The following PRKCE variants were observed in gnomAD, a reference collection of about 807,000 sequenced individuals.
PRKCE encodes protein kinase C epsilon type.
Under a neutral mutation model 85.4 loss-of-function variants are expected in PRKCE, and 16 were observed. The ratio of observed to expected loss-of-function variants is 0.19; its 90% CI spans 0.13 to 0.28. The LOEUF is 0.28. PRKCE is among the 10% of genes least tolerant of loss of function. The pLI, the probability that PRKCE is intolerant of heterozygous loss-of-function variation, is 1.00. For synonymous variants in PRKCE, 388 were observed against 371.5 expected (o/e 1.04, Z -0.51); for missense variants, 573 against 975.2 (o/e 0.59, Z 5.49).
intron 11 of PRKCE, among the ~76,000 whole-genome samples, chr2:46,134,015 A>G (rs1674716280): frequency 6.6e-6 from 1 of 152,188 alleles, no homozygotes; most frequent in Admixed American, 6.5e-5. Context: ...AATAGGGAGA[A>G]TGGGTTGGAG....
At chr2:45,839,928 G>A (rs1010475782) in intron 1 of PRKCE, among the ~76,000 whole-genome samples, 3 of 152,202 alleles carry the variant, frequency 2.0e-5, no homozygotes, top group African/African-American at 7.2e-5. Flanking sequence ...TCACCAGCAC[G>A]GAGGCTGCAG....
Position 45,969,935 on chromosome 2 carries a change from T to TCAGA in PRKCE, c.413-6492_413-6489dup, listed in dbSNP as rs1407855229. ...GTTGCTGTCGTTGTAATGTGATTCA[T>TCAGA]CAGACCATTGGCCTAATAGTAGACA... On this transcript the variant is annotated intron_variant, in intron 2 of 14. Transcript: ENST00000306156. Among the ~76,000 whole-genome samples the TCAGA allele has an allele frequency of 3.9e-5, 6 of 152,268 alleles. No homozygotes were observed. In the East Asian group the frequency reaches 1.2e-3, roughly 29 times the overall value.
rs1332884223 is a variant in PRKCE at position 45,868,231 on chromosome 2, T to C, written c.412+25168T>C. ...TAACGGAGCTTTTTTTTTTTTTTTT[T>C]TTTTTGTTCTCCAGGTGATTCTACA... is the stretch of plus-strand genomic sequence containing the variant. On this transcript the variant is annotated intron_variant, in intron 2 of 14. Transcript: ENST00000306156. Among the ~76,000 whole-genome samples, 3 of 139,388 alleles carry C rather than the reference T, an allele frequency of 2.2e-5. No individual in the cohort carries two copies. In the Admixed American group the frequency reaches 2.2e-4, roughly 10 times the overall value. 91.4% of individuals were successfully genotyped at this position (139,388 alleles called of 152,430 possible). A position where few individuals can be genotyped will look rare whatever the true frequency, so the allele number is the denominator to read the frequency against.
intron 11 of PRKCE, among the ~76,000 whole-genome samples, chr2:46,099,761 T>A (rs1224020428): frequency 6.6e-6 from 1 of 152,144 alleles, no homozygotes; most frequent in East Asian, 1.9e-4. Context: ...CTATTTACAT[T>A]TATCGAGAAA....
intron 1 of PRKCE, among the ~76,000 whole-genome samples, chr2:45,763,282 C>T (rs1684662589): frequency 6.6e-6 from 1 of 152,122 alleles, no homozygotes; most frequent in African/African-American, 2.4e-5. Flanking sequence ...GGCCAGTCTA[C>T]ATCTTGGGTG....
chr2:45,818,219 T>G (rs1689241301), intron 1 of PRKCE, among the ~76,000 whole-genome samples: 1 of 152,210 alleles, frequency 6.6e-6, no homozygotes, highest in Non-Finnish European at 1.5e-5. Flanking sequence ...CAAGACATGT[T>G]TTGGTACATC....
At chr2:45,806,378 G>C (rs1488104046) in intron 1 of PRKCE, among the ~76,000 whole-genome samples, 1 of 152,152 alleles carries the variant, frequency 6.6e-6, no homozygotes, top group African/African-American at 2.4e-5. Flanking sequence ...TCTTTCACTT[G>C]ATTCATTTAT....
In PRKCE at chr2:45,744,413, T is replaced by TTTTC. The variant is rs1164620024; in HGVS notation, c.348+92037_348+92040dup. ...GCCTGGTCTTTCTCTCTTTCTTTTCTTTTCTTTCTTTCTTTCTTTCTTTCT... is the reference window on the plus strand; with the variant it reads ...GCCTGGTCTTTCTCTCTTTCTTTTCTTTTCTTTCTTTCTTTCTTTCTTTCTTTCT... On this transcript the variant is annotated intron_variant, in intron 1 of 14. Coordinates refer to ENST00000306156, the MANE Select transcript of PRKCE (RefSeq NM_005400.3). Among the ~76,000 whole-genome samples the TTTTC allele has an allele frequency of 3.1e-3, 362 of 117,712 alleles. 5 individuals carry two copies. Among genetic ancestry groups the TTTTC allele is most frequent in the Middle Eastern group, 0.013 (3 of 236 alleles). The allele number at this position is 117,712 out of a possible 152,430, so 77.2% of individuals were successfully genotyped here.
At chr2:45,859,032 C>A (rs1375525608) in intron 2 of PRKCE, among the ~76,000 whole-genome samples, 1 of 141,760 alleles carries the variant, frequency 7.1e-6, no homozygotes, top group Non-Finnish European at 1.5e-5. Context: ...CAGAGCAGGA[C>A]TCCATCTCTA....
At chr2:46,175,627 G>T (rs1437801246) in intron 14 of PRKCE, among the ~76,000 whole-genome samples, 1 of 152,190 alleles carries the variant, frequency 6.6e-6, no homozygotes, top group Non-Finnish European at 1.5e-5. Context: ...TGGAATTCAG[G>T]CAGTCTGGCT....
chr2:45,767,963 G>C (rs905786168), intron 1 of PRKCE, among the ~76,000 whole-genome samples: 1 of 152,240 alleles, frequency 6.6e-6, no homozygotes, highest in Non-Finnish European at 1.5e-5. Context: ...ATACCAAGCA[G>C]AGGAGTGAAA....
At chr2:46,173,049 A>G (rs1309873086) in intron 14 of PRKCE, among the ~76,000 whole-genome samples, 3 of 152,268 alleles carry the variant, frequency 2.0e-5, no homozygotes, top group African/African-American at 7.2e-5. Flanking sequence ...TACCAGGCTC[A>G]TGGAAACCCT....
chr2:45,737,633 C>G (rs1438477964), intron 1 of PRKCE, among the ~76,000 whole-genome samples: 1 of 152,082 alleles, frequency 6.6e-6, no homozygotes, highest in Admixed American at 6.5e-5. Flanking sequence ...CTACCTGGCC[C>G]CCTTCTCCCC....
chr2:46,019,122 T>C (rs1361032513), intron 10 of PRKCE, among the ~76,000 whole-genome samples: 1 of 152,284 alleles, frequency 6.6e-6, no homozygotes, highest in Non-Finnish European at 1.5e-5. Flanking sequence ...TATGTGTGTA[T>C]ACAGCAGGTC....
At chr2:45,990,653 A>G (rs537117105) in intron 6 of PRKCE, among the ~76,000 whole-genome samples, 1 of 148,816 alleles carries the variant, frequency 6.7e-6, no homozygotes, top group South Asian at 2.1e-4. Context: ...ATTCTAAATT[A>G]CTTTCTTTTT....
Position 46,145,189 on chromosome 2 carries a change from G to A in PRKCE, c.1689G>A (p.Thr563=), listed in dbSNP as rs367994155. 192 of 1,599,546 alleles carry A rather than the reference G, an allele frequency of 1.2e-4. No individual in the cohort carries two copies. Among genetic ancestry groups the A allele is most frequent in the Non-Finnish European group, 1.5e-4 (181 of 1,179,956 alleles). The change falls in exon 12 of 15, where the codon ACG becomes ACA. Residue 563 remains threonine, a synonymous_variant. Transcript: ENST00000306156. The surrounding 1 kb of genome is among the most constrained non-coding windows in gnomAD (Gnocchi z 4.6). ...MCKEGILNGV[T]TTTFCGTPDY... ...AGGAAGGGATTCTGAATGGTGTGACGACCACCACGTTCTGTGGGACTCCTG... is the reference window on the plus strand; with the variant it reads ...AGGAAGGGATTCTGAATGGTGTGACAACCACCACGTTCTGTGGGACTCCTG...
At chr2:46,078,665 A>G (rs966446699) in intron 10 of PRKCE, 1 of 152,006 alleles carries the variant, frequency 6.6e-6, no homozygotes, top group African/African-American at 2.4e-5. Context: ...CAGTTTTTTT[A>G]CTGAGCTCAC....
chr2:45,737,410 G>A (rs1213090505), intron 1 of PRKCE, among the ~76,000 whole-genome samples: 4 of 152,130 alleles, frequency 2.6e-5, no homozygotes, highest in Admixed American at 6.5e-5. Context: ...CTCTTCTTCG[G>A]AGCACTCAGA....
intron 1 of PRKCE, among the ~76,000 whole-genome samples, chr2:45,779,893 T>G (rs1358864188): frequency 6.6e-6 from 1 of 152,248 alleles, no homozygotes; most frequent in South Asian, 2.1e-4. Flanking sequence ...ATTTTAAACA[T>G]ATGCAAACCT....
Sources: allele counts gnomAD v4.1 joint callset (sites outside exome capture counted in the v4.1 genomes callset), GRCh38; gene constraint gnomAD v4.1.1; non-coding constraint Gnocchi (gnomAD v3.1); transcripts MANE v1.5; gene names NCBI Gene and HGNC (gene_info 2026-07-23, HGNC 2026-07-21).